Variants in CCDC148 observed in about 807,000 individuals in gnomAD.
CCDC148 encodes coiled-coil domain-containing protein 148.
In CCDC148, 89 loss-of-function variants were observed where a neutral mutation model predicts 85.7. That is an observed-to-expected ratio of 1.04 (90% CI 0.87 to 1.24). The LOEUF (loss-of-function observed/expected upper bound fraction) is 1.24. Ranked by LOEUF, CCDC148 falls within the 50% of genes most tolerant of loss-of-function variation. The probability of loss-of-function intolerance (pLI) is 0.00; values close to 1 mark genes in which losing one functional copy is unlikely to be tolerated. For synonymous variants in CCDC148, 230 were observed against 213.9 expected (o/e 1.08, Z -0.66); for missense variants, 692 against 671.7 (o/e 1.03, Z -0.33).
At chr2:158,437,937 AAGG>A (rs1358992676) in intron 1 of CCDC148, among the ~76,000 whole-genome samples, 2 of 152,208 alleles carry the variant, frequency 1.3e-5, no homozygotes, top group African/African-American at 4.8e-5. Context: ...GGACCTCTTC[AAGG>A]AGAACTACAA....
intron 1 of CCDC148, among the ~76,000 whole-genome samples, chr2:158,415,210 C>A (rs1486919539): frequency 6.6e-6 from 1 of 151,304 alleles, no homozygotes; most frequent in Non-Finnish European, 1.5e-5. Flanking sequence ...GAGGCCTCAA[C>A]AATCATGGCA....
chr2:158,243,580 A>G (rs533084993), intron 10 of CCDC148, among the ~76,000 whole-genome samples: 15 of 152,248 alleles, frequency 9.9e-5, no homozygotes, highest in Admixed American at 9.8e-4. Context: ...AGCTTCCTGG[A>G]GGCCTGCTAG....
At chr2:158,204,992 C>T (rs958217121) in intron 11 of CCDC148, among the ~76,000 whole-genome samples, 9 of 152,202 alleles carry the variant, frequency 5.9e-5, no homozygotes, top group African/African-American at 1.2e-4. Context: ...AAGAGCTAAG[C>T]GGAGTCCAGC....
intron 9 of CCDC148, among the ~76,000 whole-genome samples, chr2:158,290,414 G>A (rs1690834268): frequency 6.6e-6 from 1 of 152,154 alleles, no homozygotes; most frequent in Non-Finnish European, 1.5e-5. Flanking sequence ...TGTTTAGCCA[G>A]AGCACGTCAT....
intron 1 of CCDC148, among the ~76,000 whole-genome samples, chr2:158,420,289 A>G (rs533718916): frequency 6.6e-6 from 1 of 152,308 alleles, no homozygotes; most frequent in East Asian, 1.9e-4. Context: ...TCCAAGACAC[A>G]TAATTATCAG....
intron 9 of CCDC148, among the ~76,000 whole-genome samples, chr2:158,257,882 G>A (rs10497198): frequency 0.17 from 25,588 of 151,792 alleles, 2,673 homozygotes; most frequent in Middle Eastern, 0.25. Flanking sequence ...ATTATCAACA[G>A]CTACTTTTTC....
At chr2:158,210,488 C>A (rs1417009035) in intron 11 of CCDC148, among the ~76,000 whole-genome samples, 1 of 152,120 alleles carries the variant, frequency 6.6e-6, no homozygotes, top group African/African-American at 2.4e-5. Context: ...GAACTCTTCA[C>A]CCCAAGTCAA....
chr2:158,313,663 A>T, intron 8 of CCDC148, 93 bp downstream of exon 8: 1 of 1,253,664 alleles, frequency 8.0e-7, no homozygotes, highest in Non-Finnish European at 1.1e-6. Flanking sequence ...AATAATTTTT[A>T]AAGAACCATT....
At chr2:158,429,410 C>T (rs977667621) in intron 1 of CCDC148, among the ~76,000 whole-genome samples, 2 of 148,078 alleles carry the variant, frequency 1.4e-5, no homozygotes, top group Non-Finnish European at 3.0e-5. Flanking sequence ...GATAGGAATA[C>T]TTAGAACTAA....
Position 158,220,569 on chromosome 2 carries a change from C to A in CCDC148, c.1370+26G>T, listed in dbSNP as rs781712694. The A allele has an allele frequency of 2.6e-6, 4 of 1,526,564 alleles. No individual in the cohort carries two copies. In the East Asian group the frequency reaches 9.1e-5, roughly 35 times the overall value. 94.6% of individuals were successfully genotyped at this position (1,526,564 alleles called of 1,614,324 possible). ...AAGACTCCATTCACCACCTCCATTA[C>A]CACACAATTTTAAATTTTCTTTTAC... On this transcript the variant is annotated intron_variant, in intron 11 of 13. Transcript: ENST00000283233.
chr2:158,345,414 G>C, intron 2 of CCDC148, 96 bp from the exon 3 acceptor site: 1 of 775,810 alleles, frequency 1.3e-6, no homozygotes, highest in Non-Finnish European at 2.0e-6. Flanking sequence ...AAGTTAAATA[G>C]TTTCTCTTTT....
At chr2:158,417,694 C>T (rs1686565239) in intron 1 of CCDC148, among the ~76,000 whole-genome samples, 1 of 152,166 alleles carries the variant, frequency 6.6e-6, no homozygotes, top group African/African-American at 2.4e-5. Flanking sequence ...CGTCCACATG[C>T]ACTCCCCCAT....
At chr2:158,268,603 G>A (rs1215652783) in intron 9 of CCDC148, among the ~76,000 whole-genome samples, 1 of 152,066 alleles carries the variant, frequency 6.6e-6, no homozygotes, top group Non-Finnish European at 1.5e-5. Flanking sequence ...GTTTTGTGGT[G>A]AGAATATTCA....
chr2:158,322,278 A>C (rs1214873207), intron 7 of CCDC148, among the ~76,000 whole-genome samples: 1 of 152,164 alleles, frequency 6.6e-6, no homozygotes, highest in Non-Finnish European at 1.5e-5. Context: ...AATTGGTTAA[A>C]TGTATGTGAT....
At chr2:158,189,327 T>C (rs1462399604) in intron 11 of CCDC148, among the ~76,000 whole-genome samples, 2 of 151,894 alleles carry the variant, frequency 1.3e-5, no homozygotes, top group African/African-American at 4.8e-5. Flanking sequence ...CTTCTGAAGA[T>C]TCCTGACTAG....
chr2:158,178,803 TA>T, intron 12 of CCDC148, 75 bp downstream of exon 12: 2 of 992,670 alleles, frequency 2.0e-6, no homozygotes, highest in Non-Finnish European at 3.1e-6. Flanking sequence ...TAAGCCCCAG[TA>T]AGAATGCTAT....
At chr2:158,278,576 G>C (rs1690083654) in intron 9 of CCDC148, among the ~76,000 whole-genome samples, 1 of 152,194 alleles carries the variant, frequency 6.6e-6, no homozygotes, top group African/African-American at 2.4e-5. Flanking sequence ...GCTGGGGGAG[G>C]GGCGCCCGCC....
rs1251011343 is a variant in CCDC148 at position 158,184,463 on chromosome 2, T to C, written c.1371-5467A>G. On this transcript the variant is annotated intron_variant, in intron 11 of 13. Coordinates refer to ENST00000283233, the MANE Select transcript of CCDC148 (RefSeq NM_138803.4). ...ACAGAGGAAAGAAGTCCCTACTCTG[T>C]TGAGTTTACATAATTTGTGGTCTGT... Among the ~76,000 whole-genome samples, 5 of 152,172 alleles carry C rather than the reference T, an allele frequency of 3.3e-5. No individual in the cohort carries two copies. The East Asian group carries it at 9.6e-4, about 29-fold the overall frequency.
intron 9 of CCDC148, among the ~76,000 whole-genome samples, chr2:158,285,796 A>G (rs1690597678): frequency 6.6e-6 from 1 of 151,874 alleles, no homozygotes; most frequent in Admixed American, 6.6e-5. Context: ...TCAGCCTCCC[A>G]AAGTGCTGGG....
Sources: allele counts gnomAD v4.1 joint callset (sites outside exome capture counted in the v4.1 genomes callset), GRCh38; gene constraint gnomAD v4.1.1; transcripts MANE v1.5; gene names NCBI Gene and HGNC (gene_info 2026-07-23, HGNC 2026-07-21).